MXRA8: variants seen among roughly 807,000 people sequenced by gnomAD.
MXRA8 encodes matrix remodeling-associated protein 8.
Under a neutral mutation model 51.4 loss-of-function variants are expected in MXRA8, and 44 were observed. The ratio of observed to expected loss-of-function variants is 0.86; its 90% CI spans 0.67 to 1.10. MXRA8 has a LOEUF of 1.10. Ranked by LOEUF, MXRA8 falls within the 50% of genes least tolerant of loss-of-function variation. The pLI, the probability that MXRA8 is intolerant of heterozygous loss-of-function variation, is 0.00. For synonymous variants in MXRA8, 369 were observed against 293.5 expected (o/e 1.26, Z -2.63); for missense variants, 765 against 638.9 (o/e 1.20, Z -2.13).
In MXRA8 at chr1:1,356,704, C is replaced by T; in HGVS notation, c.50G>A (p.Ser17Asn). ...ACCTGAGTGCAGGAGAACAGCAGAG[C>T]CTGGAAGGAGAGGAGTGAGCTGGAG... is the stretch of plus-strand genomic sequence containing the variant. Reference protein sequence around the residue: ...ILLWKLVLLQSSAVLLHSGSS... With the variant: ...ILLWKLVLLQNSAVLLHSGSS... The change falls in exon 2 of 10, where the codon AGC becomes AAC. Residue 17 changes from serine (S) to asparagine (N), a missense_variant and splice_region_variant. By Grantham distance (46) the Ser-to-Asn change is conservative. Transcript: ENST00000309212. The T allele has an allele frequency of 1.4e-6, 2 of 1,427,928 alleles. No homozygotes were observed. The highest frequency in any genetic ancestry group is 1.9e-6 in the Non-Finnish European group (2 of 1,080,186). The allele number at this position is 1,427,928 out of a possible 1,614,324, so 88.5% of individuals were successfully genotyped here.
In MXRA8 at chr1:1,354,854, G is replaced by A; in HGVS notation, c.777C>T (p.Ile259=). ...CCTCGTCGGCGACCTCCAGCGGCTC[G>A]ATACGCAGTGAGAAGTCACCGCGCT... ...AFERGDFSLR[I]EPLEVADEGT... Residue 259 remains isoleucine (I), a synonymous_variant, in exon 5 of 10, where the codon ATC becomes ATT. Coordinates refer to ENST00000309212, the MANE Select transcript of MXRA8 (RefSeq NM_032348.4). 5 of 1,611,946 alleles carry A rather than the reference G, an allele frequency of 3.1e-6. No homozygotes were observed. The highest frequency in any genetic ancestry group is 1.7e-4 in the Middle Eastern group (1 of 6,034).
rs760426653 is a variant in MXRA8, at chr1:1,353,176, C to T, written c.*428G>A. ...GGCTGCCAAGTTCTGATGGGAGTGT[C>T]CTCCTCCAGGAACATCTCCCAGCCC... On this transcript the variant is annotated 3_prime_UTR_variant, in exon 10 of 10. Transcript: ENST00000309212. The T allele has an allele frequency of 7.6e-6, 8 of 1,054,710 alleles. No homozygotes were observed. Among genetic ancestry groups the T allele is most frequent in the Non-Finnish European group, 1.0e-5 (7 of 701,208 alleles). 65.3% of individuals were successfully genotyped at this position (1,054,710 alleles called of 1,614,324 possible).
intron 3 of MXRA8, 49 bp from the exon 4 acceptor site, chr1:1,355,394 C>A: frequency 4.6e-6 from 7 of 1,516,588 alleles, no homozygotes; most frequent in Non-Finnish European, 5.3e-6. Flanking sequence ...TGCCCCCGAC[C>A]CCGCGGCCCC....
chr1:1,353,245 C>G lies in MXRA8; in HGVS notation c.*359G>C. Reference sequence around the variant, plus strand: ...GAGGAGTGGGACTCCTGCCCTGAGGCTGACCCCAGTTTTGGGGCTGCCAGG... The same window carrying G: ...GAGGAGTGGGACTCCTGCCCTGAGGGTGACCCCAGTTTTGGGGCTGCCAGG... On this transcript the variant is annotated 3_prime_UTR_variant, in exon 10 of 10. Transcript: ENST00000309212. 1 of 1,485,948 alleles carries G rather than the reference C, an allele frequency of 6.7e-7. No homozygotes were observed. The highest frequency in any genetic ancestry group is 9.2e-7 in the Non-Finnish European group (1 of 1,088,304). 92.0% of individuals were successfully genotyped at this position (1,485,948 alleles called of 1,614,324 possible). A position where few individuals can be genotyped will look rare whatever the true frequency, so the allele number is the denominator to read the frequency against.
In MXRA8 at chr1:1,352,963, CA is replaced by C; in HGVS notation, c.*640del. On this transcript the variant is annotated 3_prime_UTR_variant, in exon 10 of 10. Coordinates refer to ENST00000309212, the MANE Select transcript of MXRA8 (RefSeq NM_032348.4). ...GGGTAGGGATGGGGCAGAGAAAGGG[CA>C]AGGGGTGCAGCCCCAGGTGGCCCAA... is the stretch of plus-strand genomic sequence containing the variant. 2.2e-6 allele frequency: 1 copy of C among 452,224 alleles called. No homozygotes were observed. Among genetic ancestry groups the C allele is most frequent in the Non-Finnish European group, 4.0e-6 (1 of 251,950 alleles). The allele number at this position is 452,224 out of a possible 1,614,324, so 28.0% of individuals were successfully genotyped here.
At chr1:1,354,659 G>A (rs1294844749) in intron 5 of MXRA8, 23 bp downstream of exon 5, 10 of 1,546,032 alleles carry the variant, frequency 6.5e-6, no homozygotes, top group Non-Finnish European at 8.7e-6. Flanking sequence ...CGCCTTCCCG[G>A]GTCCCAGGGA....
At chr1:1,359,298 A>G, upstream of MXRA8, 2 of 985,372 alleles carry the variant, frequency 2.0e-6, no homozygotes, top group Non-Finnish European at 2.4e-6. Context: ...CTGGATTACA[A>G]GCCTCCTGGA....
chr1:1,361,005 C>T (rs1398254094), upstream of MXRA8, among the ~76,000 whole-genome samples: 6 of 148,846 alleles, frequency 4.0e-5, no homozygotes, highest in South Asian at 2.1e-4. Context: ...TGCACACACG[C>T]GAAGACACAG....
At chr1:1,356,496 TAGGGGAAGAGGAGTCATTGGGGG>T (rs1313808070) in intron 2 of MXRA8, among the ~76,000 whole-genome samples, 162 bp downstream of exon 2, 3 of 72,944 alleles carry the variant, frequency 4.1e-5, no homozygotes, top group African/African-American at 1.7e-4. Context: ...AGGGCCCTGG[TAGGGGAAGAGGAGTCATTGGGGG>T]AGGGGGAGTT....
At chr1:1,363,286 A>G (rs552481953), upstream of MXRA8, among the ~76,000 whole-genome samples, 8 of 150,576 alleles carry the variant, frequency 5.3e-5, no homozygotes, top group African/African-American at 2.0e-4. Context: ...CGGTCTCAAA[A>G]ACAAAACAAA....
intron 1 of MXRA8, among the ~76,000 whole-genome samples, chr1:1,357,610 C>G (rs1035366934): frequency 5.3e-5 from 8 of 152,286 alleles, no homozygotes; most frequent in Middle Eastern, 3.4e-3. Flanking sequence ...AATTCAAGAC[C>G]AGCCTGGCCA....
In MXRA8 at chr1:1,355,093, C is replaced by A; in HGVS notation, c.538G>T (p.Ala180Ser). The change falls in exon 5 of 10, where the codon GCA (alanine) becomes TCA (serine). Residue 180 changes from alanine (A) to serine (S), a missense_variant. Transcript: ENST00000309212. ...TTCACGCAGGTCAGAAGCGCGGGTG[C>A]GCCGCGCGCCACCGCCAGCACCTCC... ...EKEVLAVARG[A>S]PALLTCVNRG... is the part of the protein sequence containing the mutation. 1 of 1,540,884 alleles carries A rather than the reference C, an allele frequency of 6.5e-7. No individual in the cohort carries two copies. The highest frequency in any genetic ancestry group is 1.2e-5 in the South Asian group (1 of 81,726).
In MXRA8 at chr1:1,355,355, C is replaced by G; in HGVS notation, c.377-10G>C. 1.3e-6 allele frequency: 2 copies of G among 1,569,950 alleles called. No homozygotes were observed. The highest frequency in any genetic ancestry group is 2.5e-5 in the East Asian group (1 of 39,738). On this transcript the variant is annotated splice_polypyrimidine_tract_variant and intron_variant, in intron 3 of 9. Coordinates refer to ENST00000309212, the MANE Select transcript of MXRA8 (RefSeq NM_032348.4). ...TCCGTCTCCTCCACCGCTGCGCACC[C>G]AGGAGGAAGCCGCGCGTGAGCCTTG...
intron 5 of MXRA8, 26 bp from the exon 6 acceptor site, chr1:1,354,535 G>C: frequency 6.2e-7 from 1 of 1,607,160 alleles, no homozygotes; most frequent in Non-Finnish European, 8.5e-7. Context: ...GGTCGGGGCG[G>C]CGTCAGGTAC....
chr1:1,360,004 C>T (rs1238276201), upstream of MXRA8, among the ~76,000 whole-genome samples: 6 of 152,234 alleles, frequency 3.9e-5, no homozygotes, highest in Admixed American at 3.3e-4. Flanking sequence ...TGTCTCCTTC[C>T]GTCACTCTCC....
rs1569774449 is a variant in MXRA8 at position 1,353,450 on chromosome 1, T to C, written c.*154A>G. ...TGCCACCAAGCCCCTGGGAGAGGGGTGTGGAGGCGGCCTCTGCATACGCCC... is the reference window on the plus strand; with the variant it reads ...TGCCACCAAGCCCCTGGGAGAGGGGCGTGGAGGCGGCCTCTGCATACGCCC... On this transcript the variant is annotated 3_prime_UTR_variant, in exon 10 of 10. Transcript: ENST00000309212. 4.7e-6 allele frequency: 7 copies of C among 1,502,332 alleles called. No individual in the cohort carries two copies. The highest frequency in any genetic ancestry group is 3.8e-5 in the South Asian group (3 of 78,292). 93.1% of individuals were successfully genotyped at this position (1,502,332 alleles called of 1,614,324 possible).
chr1:1,359,610 G>A (rs1466586455), upstream of MXRA8: 1 of 979,670 alleles, frequency 1.0e-6, no homozygotes, highest in African/African-American at 1.8e-5. Flanking sequence ...ACAGTGGGAA[G>A]CCCAGTGCAG....
chr1:1,359,959 G>A (rs779012678), upstream of MXRA8, among the ~76,000 whole-genome samples: 60 of 152,184 alleles, frequency 3.9e-4, 1 homozygote, highest in Non-Finnish European at 6.9e-4. Context: ...GTCTGTCTCC[G>A]TCGCACACTC....
At position 1,353,884 on chromosome 1, in the gene MXRA8, T is replaced by C. The variant is rs1460026030; in HGVS notation, c.1267A>G (p.Ser423Gly). Residue 423 changes from serine to glycine, a missense_variant, in exon 9 of 10, where the codon AGC becomes GGC. Ser to Gly is a moderately conservative substitution (Grantham distance 56, BLOSUM62 0). Transcript: ENST00000309212. ...ILKERAELAH[S>G]PLPAKYIDLD... ...TCGATGTACTTGGCAGGCAGGGGGC[T>C]GTGGGCCAGCTCCGCCCTCTCCTTC... 6 of 1,607,662 alleles carry C rather than the reference T, an allele frequency of 3.7e-6. No individual in the cohort carries two copies.
Sources: allele counts gnomAD v4.1 joint callset (sites outside exome capture counted in the v4.1 genomes callset), GRCh38; gene constraint gnomAD v4.1.1; transcripts MANE v1.5; gene names NCBI Gene and HGNC (gene_info 2026-07-23, HGNC 2026-07-21).